Variants in ANO1 observed in about 807,000 individuals in gnomAD.
The protein encoded by ANO1 is anoctamin 1.
In ANO1, 59 loss-of-function variants were observed where a neutral mutation model predicts 124.0. That is an observed-to-expected ratio of 0.48 (90% confidence interval 0.39 to 0.59). ANO1 has a LOEUF of 0.59. Among genes scored for constraint, ANO1 ranks in the 20% least tolerant of loss-of-function variants. The probability of loss-of-function intolerance (pLI) is 0.00; values close to 1 mark genes in which losing one functional copy is unlikely to be tolerated. For synonymous variants in ANO1, 529 were observed against 532.0 expected, an observed-to-expected ratio of 0.99 and a Z score of 0.08; for missense variants, 1,059 against 1,328.0, an observed-to-expected ratio of 0.80 and a Z score of 3.15.
chr11:70,149,438 G>A lies in ANO1; in HGVS notation c.1259-272G>A, dbSNP rs557965518. 2.0e-4 allele frequency: 82 copies of A among 407,418 alleles called. 2 individuals carry two copies. Among genetic ancestry groups the A allele is most frequent in the South Asian group, 1.8e-3 (80 of 44,858 alleles). The allele number at this position is 407,418 out of a possible 1,614,324, so 25.2% of individuals were successfully genotyped here. On this transcript the variant is annotated intron_variant, in intron 11 of 25. Coordinates refer to ENST00000355303, the MANE Select transcript of ANO1 (RefSeq NM_018043.7). ...GGCCAAGGCAGGTGGATCACCTGAG[G>A]TCAGGAGTTCGAGACCAGCCTGGCC...
chr11:70,057,236 T>C (rs1303912093), intron 1 of ANO1, among the ~76,000 whole-genome samples: 1 of 152,232 alleles, frequency 6.6e-6, no homozygotes, highest in African/African-American at 2.4e-5. Flanking sequence ...CTCCAGATGA[T>C]GTTCTCTTCT....
intron 1 of ANO1, among the ~76,000 whole-genome samples, chr11:70,013,570 G>A (rs1319347782): frequency 6.6e-6 from 1 of 152,090 alleles, no homozygotes; most frequent in Non-Finnish European, 1.5e-5. Flanking sequence ...CCTGAGGCCA[G>A]GAGTTTGAGA....
At chr11:70,158,065 A>C (rs192716678) in intron 16 of ANO1, among the ~76,000 whole-genome samples, 82 of 152,262 alleles carry the variant, frequency 5.4e-4, no homozygotes, top group African/African-American at 1.9e-3. Flanking sequence ...ATCAGCATTA[A>C]ATTAAGTAAA....
chr11:70,108,835 G>A (rs2045660908), intron 6 of ANO1, among the ~76,000 whole-genome samples: 2 of 152,240 alleles, frequency 1.3e-5, no homozygotes, highest in East Asian at 1.9e-4. Context: ...TGAAAGCAGC[G>A]CCCCCTGACC....
chr11:70,078,977 G>C (rs756252271), intron 1 of ANO1, among the ~76,000 whole-genome samples: 4 of 151,982 alleles, frequency 2.6e-5, no homozygotes, highest in Admixed American at 2.6e-4. Context: ...CCCAGGCATG[G>C]CCCGGCCTCG....
chr11:70,088,110 G>T (rs1565186031), intron 2 of ANO1, 26 bp downstream of exon 2: 6 of 201,730 alleles, frequency 3.0e-5, no homozygotes, highest in Non-Finnish European at 5.4e-5. Context: ...CGCGCTGTTT[G>T]TGGGGGGTGG....
chr11:70,174,171 C>T (rs958896064), intron 22 of ANO1, among the ~76,000 whole-genome samples: 3 of 151,646 alleles, frequency 2.0e-5, no homozygotes, highest in Admixed American at 1.3e-4. Context: ...ATCTCCTGAC[C>T]TCATGATCCA....
upstream of ANO1, among the ~76,000 whole-genome samples, chr11:70,074,337 G>A (rs1327416141): frequency 6.6e-6 from 1 of 152,222 alleles, no homozygotes; most frequent in Non-Finnish European, 1.5e-5. Flanking sequence ...CACCCGGGCT[G>A]TGTGGGTGCC....
chr11:70,074,143 C>T (rs995119616), upstream of ANO1, among the ~76,000 whole-genome samples: 6 of 152,166 alleles, frequency 3.9e-5, no homozygotes, highest in South Asian at 2.1e-4. Context: ...CCGGGCAGCA[C>T]GGGGCTGGTG....
At chr11:70,119,364 GAAT>G (rs2046149599) in intron 8 of ANO1, among the ~76,000 whole-genome samples, 1 of 147,440 alleles carries the variant, frequency 6.8e-6, no homozygotes, top group African/African-American at 2.5e-5. Context: ...GTGGGTGGAT[GAAT>G]GATGGATGGA....
intron 6 of ANO1, chr11:70,111,012 G>C (rs2045756047): frequency 3.9e-5 from 16 of 408,088 alleles, no homozygotes; most frequent in South Asian, 2.6e-4. Flanking sequence ...GCCTCCAGGA[G>C]CACTGGACGG....
intron 6 of ANO1, among the ~76,000 whole-genome samples, chr11:70,111,421 G>A (rs1473503344): frequency 6.6e-6 from 1 of 152,206 alleles, no homozygotes; most frequent in African/African-American, 2.4e-5. Context: ...CGCTCACACC[G>A]CCTGCCTCTG....
intron 1 of ANO1, among the ~76,000 whole-genome samples, chr11:70,001,796 T>TGC (rs1378585340): frequency 1.4e-5 from 2 of 141,880 alleles, no homozygotes; most frequent in African/African-American, 5.1e-5. Context: ...TGTGTGTGTG[T>TGC]GTTTTGTTTT....
intron 1 of ANO1, among the ~76,000 whole-genome samples, chr11:70,053,676 T>C (rs1857388469): frequency 6.6e-6 from 1 of 152,200 alleles, no homozygotes; most frequent in African/African-American, 2.4e-5. Flanking sequence ...TATTGTCTCA[T>C]CTTGTAATAT....
chr11:70,060,015 T>C (rs1014450787), intron 1 of ANO1, among the ~76,000 whole-genome samples: 2 of 139,452 alleles, frequency 1.4e-5, no homozygotes, highest in African/African-American at 2.6e-5. Context: ...TGCAATAAGA[T>C]CAGTAGGTTT....
the ANO1 span, among the ~76,000 whole-genome samples, chr11:69,970,587 C>T: frequency 1.1e-4 from 16 of 152,244 alleles, no homozygotes; most frequent in Admixed American, 9.2e-4. Context: ...GGTCACTCCC[C>T]TTCTCTGGGG....
intron 11 of ANO1, among the ~76,000 whole-genome samples, chr11:70,137,424 CA>C (rs2046993053): frequency 7.5e-6 from 1 of 132,886 alleles, no homozygotes; most frequent in Non-Finnish European, 1.7e-5. Context: ...CCCACCCCCC[CA>C]CCCGCCATCA....
chr11:70,118,972 A>AGATG (rs138448490), intron 8 of ANO1, among the ~76,000 whole-genome samples: 21,174 of 132,040 alleles, frequency 0.16, 1,708 homozygotes, highest in Middle Eastern at 0.26. Flanking sequence ...GTGAATGGGT[A>AGATG]GATGGATGGA....
At chr11:70,087,638 A>T in intron 1 of ANO1, 114 bp from the exon 2 acceptor site, 1 of 1,050,112 alleles carries the variant, frequency 9.5e-7, no homozygotes, top group Non-Finnish European at 1.3e-6. Context: ...GCGCTCAGGG[A>T]GTGTTTGTTG....
Sources: allele counts gnomAD v4.1 joint callset (sites outside exome capture counted in the v4.1 genomes callset), GRCh38; gene constraint gnomAD v4.1.1; transcripts MANE v1.5; gene names NCBI Gene and HGNC (gene_info 2026-07-23, HGNC 2026-07-21).